The following ATP6V0A4 variants were observed in gnomAD, a reference collection of about 807,000 sequenced individuals.
ATP6V0A4 encodes the protein V-type proton ATPase 116 kDa subunit a 4.
ATP6V0A4 carries 86 observed loss-of-function variants against 107.3 expected under a neutral mutation model. That is an observed-to-expected ratio of 0.80 (90% CI 0.67 to 0.96). ATP6V0A4 has a LOEUF of 0.96. Ranked by LOEUF, ATP6V0A4 falls within the 40% of genes least tolerant of loss-of-function variation. The pLI is 0.00. For synonymous variants in ATP6V0A4, 353 were observed against 381.4 expected, an observed-to-expected ratio of 0.93 and a Z score of 0.87; for missense variants, 908 against 1,045.6, an observed-to-expected ratio of 0.87 and a Z score of 1.81.
rs573544439 is a variant in ATP6V0A4 at position 138,714,395 on chromosome 7, G to C, written c.2257+1369C>G. Among the ~76,000 whole-genome samples, 3 of 152,162 alleles carry C rather than the reference G, an allele frequency of 2.0e-5. No individual in the cohort carries two copies. In the South Asian group the frequency reaches 6.2e-4, roughly 32 times the overall value. ...GAGTTGGTGAGTCATGATTCCTGAC[G>C]TTAGGCAACCCCAGGGGCTCGGATC... On this transcript the variant is annotated intron_variant, in intron 20 of 21. Coordinates refer to ENST00000310018, the MANE Select transcript of ATP6V0A4 (RefSeq NM_020632.3).
intron 5 of ATP6V0A4, among the ~76,000 whole-genome samples, chr7:138,763,915 G>A (rs558373712): frequency 2.0e-5 from 3 of 149,190 alleles, no homozygotes; most frequent in South Asian, 4.2e-4. Flanking sequence ...AGCAGAGGTC[G>A]CACCACTGCA....
intron 2 of ATP6V0A4, among the ~76,000 whole-genome samples, chr7:138,775,720 G>A (rs995668596): frequency 3.4e-5 from 5 of 145,298 alleles, no homozygotes; most frequent in African/African-American, 1.0e-4. Context: ...GCGCGATCTC[G>A]GCTCACTGCA....
Position 138,782,258 on chromosome 7 carries a change from C to T in ATP6V0A4, c.-18+3900G>A, listed in dbSNP as rs187599097. ...GTGGTTGCTGGCAATCTTTGGCATT[C>T]CTTGGCTTGGAGAAGCATCACTCCA... is the stretch of plus-strand genomic sequence containing the variant. On this transcript the variant is annotated intron_variant, in intron 2 of 21. Coordinates refer to ENST00000310018, the MANE Select transcript of ATP6V0A4 (RefSeq NM_020632.3). 9.8e-4 allele frequency among the ~76,000 whole-genome samples: 150 copies of T among 152,314 alleles called. 3 individuals carry two copies. The highest frequency in any genetic ancestry group is 9.8e-3 in the Admixed American group (150 of 15,294).
At chr7:138,776,945 C>T (rs1342700666) in intron 2 of ATP6V0A4, among the ~76,000 whole-genome samples, 1 of 151,608 alleles carries the variant, frequency 6.6e-6, no homozygotes, top group Non-Finnish European at 1.5e-5. Flanking sequence ...GCCAGGAGTT[C>T]GAGACCAGCC....
chr7:138,756,026 T>G (rs750110229), intron 9 of ATP6V0A4: 3 of 654,028 alleles, frequency 4.6e-6, no homozygotes, highest in Non-Finnish European at 5.0e-6. Flanking sequence ...ATAAAACCTG[T>G]GAGTTGCTGG....
intron 1 of ATP6V0A4, among the ~76,000 whole-genome samples, chr7:138,796,239 G>T (rs1808654620): frequency 6.6e-6 from 1 of 152,008 alleles, no homozygotes; most frequent in East Asian, 1.9e-4. Context: ...GCCTGGCCTG[G>T]CATGCAACTG....
At chr7:138,737,579 CTTTTT>C (rs373540257) in intron 15 of ATP6V0A4, among the ~76,000 whole-genome samples, 3 of 134,664 alleles carry the variant, frequency 2.2e-5, no homozygotes, top group African/African-American at 5.5e-5. Flanking sequence ...TTTTCTTTTT[CTTTTT>C]TTTTTTTTTT....
chr7:138,752,743 G>T lies in ATP6V0A4; in HGVS notation c.911C>A (p.Ala304Asp). The change falls in exon 11 of 22, where the codon GCT becomes GAT. Residue 304 changes from alanine (A) to aspartate (D), a missense_variant. Coordinates refer to ENST00000310018, the MANE Select transcript of ATP6V0A4 (RefSeq NM_020632.3). ...GCACATGTTCAGGATGTGGTAGACA[G>T]CTTTCATCTTCTGCACCTTGATGAG... The part of the protein sequence containing the change: ...SWLIKVQKMK[A>D]VYHILNMCNI... 1 of 1,614,214 alleles carries T rather than the reference G, an allele frequency of 6.2e-7. No homozygotes were observed.
At chr7:138,783,650 C>T (rs931650936) in intron 2 of ATP6V0A4, among the ~76,000 whole-genome samples, 5 of 152,050 alleles carry the variant, frequency 3.3e-5, no homozygotes, top group African/African-American at 7.2e-5. Context: ...CACTTGAGCT[C>T]GGGAGTGCAA....
chr7:138,736,929 G>A (rs890147402), intron 15 of ATP6V0A4, among the ~76,000 whole-genome samples: 1 of 151,576 alleles, frequency 6.6e-6, no homozygotes, highest in African/African-American at 2.4e-5. Context: ...ATGTTAACGT[G>A]CTCAAACTCA....
rs116484980 is a variant in ATP6V0A4 at position 138,717,232 on chromosome 7, T to A, written c.2140-1351A>T. On this transcript the variant is annotated intron_variant, in intron 19 of 21. Coordinates refer to ENST00000310018, the MANE Select transcript of ATP6V0A4 (RefSeq NM_020632.3). ...GGAAACGGACTCCTGAGACTGCATC[T>A]GCAGGAGGATGGAGGAGATCAACAA... Among the ~76,000 whole-genome samples the A allele has an allele frequency of 7.6e-3, 1,159 of 152,242 alleles. 13 individuals carry two copies. Among genetic ancestry groups the A allele is most frequent in the African/African-American group, 0.027 (1,104 of 41,532 alleles).
chr7:138,749,224 C>G lies in ATP6V0A4; in HGVS notation c.1123G>C (p.Gly375Arg). ...TFNRTNKFTA[G>R]FQNIVDAYGV... ...TAGGCATCAACAATATTCTGGAAGC[C>G]AGCTGTGAATTTATTGGTCCTGTTA... The change falls in exon 12 of 22, where the codon GGC (glycine) becomes CGC (arginine). Residue 375 changes from glycine (G) to arginine (R), a missense_variant. Coordinates refer to ENST00000310018, the MANE Select transcript of ATP6V0A4 (RefSeq NM_020632.3). 1 of 1,613,918 alleles carries G rather than the reference C, an allele frequency of 6.2e-7. No individual in the cohort carries two copies. The highest frequency in any genetic ancestry group is 8.5e-7 in the Non-Finnish European group (1 of 1,180,008).
intron 21 of ATP6V0A4, among the ~76,000 whole-genome samples, chr7:138,708,134 C>T (rs1803547136): frequency 6.6e-6 from 1 of 151,898 alleles, no homozygotes; most frequent in African/African-American, 2.4e-5. Flanking sequence ...TCACTGCAAG[C>T]TCCACCTCCC....
chr7:138,762,910 T>C lies in ATP6V0A4; in HGVS notation c.407A>G (p.Asp136Gly). The change falls in exon 6 of 22, where the codon GAC becomes GGC. Residue 136 changes from aspartate (D) to glycine (G), a missense_variant. Asp to Gly is a moderately conservative substitution (Grantham distance 94). Transcript: ENST00000310018. ...TCCCCACGTGACCACCTCAAAGAAG[T>C]CTTGGGTTTTCTTCAGGAGGTATTT... The part of the protein sequence containing the change: ...ELKYLLKKTQ[D>G]FFETETNLAD... 1 of 1,613,990 alleles carries C rather than the reference T, an allele frequency of 6.2e-7. No individual in the cohort carries two copies. Among genetic ancestry groups the C allele is most frequent in the Non-Finnish European group, 8.5e-7 (1 of 1,179,996 alleles).
intron 12 of ATP6V0A4, chr7:138,747,787 C>G (rs374595372): frequency 1.7e-6 from 1 of 579,502 alleles, no homozygotes; most frequent in East Asian, 3.9e-5. Flanking sequence ...GTGGGTCTCG[C>G]TCTGTCACCC....
intron 8 of ATP6V0A4, 192 bp from the exon 9 acceptor site, chr7:138,756,732 G>A (rs571828997): frequency 7.0e-6 from 2 of 286,736 alleles, no homozygotes; most frequent in Non-Finnish European, 1.0e-5. Flanking sequence ...ACCTCACAGA[G>A]GCTAATGCAG....
At position 138,752,843 on chromosome 7, in the gene ATP6V0A4, C is replaced by G. The variant is rs1563002525; in HGVS notation, c.817-6G>C. On this transcript the variant is annotated splice_polypyrimidine_tract_variant and splice_region_variant and intron_variant, in intron 10 of 21. Coordinates refer to ENST00000310018, the MANE Select transcript of ATP6V0A4 (RefSeq NM_020632.3). ...GACTCTGTTTGTGTTATGACCTATA[C>G]AAAAAACAACACACAGGAAAACAGA... 6.2e-7 allele frequency: 1 copy of G among 1,613,414 alleles called. No homozygotes were observed. Among genetic ancestry groups the G allele is most frequent in the African/African-American group, 1.3e-5 (1 of 74,926 alleles).
Position 138,720,310 on chromosome 7 carries a change from G to A in ATP6V0A4, c.2139+1587C>T, listed in dbSNP as rs182667289. Among the ~76,000 whole-genome samples the A allele has an allele frequency of 1.0e-3, 153 of 152,298 alleles. 1 individual carries two copies. Among genetic ancestry groups the A allele is most frequent in the African/African-American group, 3.5e-3 (146 of 41,588 alleles). On this transcript the variant is annotated intron_variant, in intron 19 of 21. Transcript: ENST00000310018. ...GGCACACATTTGCCTGGAGACGGGA[G>A]ACCCATGTATGATTAGACCTGGGGG...
At position 138,721,658 on chromosome 7, in the gene ATP6V0A4, C is replaced by T. The variant is rs945816373; in HGVS notation, c.2139+239G>A. On this transcript the variant is annotated intron_variant, in intron 19 of 21. Transcript: ENST00000310018. ...ATTCACCTGACACATACAGATGCAG[C>T]GGTACTTGGACTAGAAATATTAAAA... is the stretch of plus-strand genomic sequence containing the variant. 5.6e-4 allele frequency among the ~76,000 whole-genome samples: 85 copies of T among 152,154 alleles called. 1 individual carries two copies. Among genetic ancestry groups the T allele is most frequent in the African/African-American group, 1.9e-3 (79 of 41,424 alleles).
Sources: gnomAD v4.1 joint callset for allele counts (sites outside exome capture counted in the v4.1 genomes callset) on GRCh38, gnomAD v4.1.1 for gene constraint, MANE v1.5 for transcripts, NCBI Gene and HGNC (gene_info 2026-07-23, HGNC 2026-07-21) for gene names.